The following TUBGCP6 variants were observed in gnomAD, a reference collection of about 807,000 sequenced individuals.
The protein encoded by TUBGCP6 is gamma-tubulin complex component 6.
Under a neutral mutation model 175.8 loss-of-function variants are expected in TUBGCP6, and 161 were observed. That is an observed-to-expected ratio of 0.92 (90% CI 0.81 to 1.04). The LOEUF (loss-of-function observed/expected upper bound fraction) is 1.04, where lower values mean the gene tolerates loss of function less well. Among genes scored for constraint, TUBGCP6 ranks in the 50% least tolerant of loss-of-function variants. The pLI, the probability that TUBGCP6 is intolerant of heterozygous loss-of-function variation, is 0.00. For synonymous variants in TUBGCP6, 1,173 were observed against 1,030.5 expected (o/e 1.14, Z -2.65); for missense variants, 2,572 against 2,433.0 (o/e 1.06, Z -1.20).
Position 50,217,721 on chromosome 22 carries a change from C to T in TUBGCP6, c.*15G>A, listed in dbSNP as rs747299890. On this transcript the variant is annotated 3_prime_UTR_variant, in exon 25 of 25. Transcript: ENST00000248846. ...CGAGAACACCTTTATTGTGCACGTC[C>T]CCCGCAGAGCAGCCTCAGGCGTCCT... 6.2e-7 allele frequency: 1 copy of T among 1,612,388 alleles called. No individual in the cohort carries two copies. Among genetic ancestry groups the T allele is most frequent in the South Asian group, 1.1e-5 (1 of 90,868 alleles).
In TUBGCP6 at chr22:50,243,971, CAG is replaced by C. The variant is rs1213489370; in HGVS notation, c.487_488del (p.Leu163AspfsTer37). 1 of 1,614,034 alleles carries C rather than the reference CAG, an allele frequency of 6.2e-7. No individual in the cohort carries two copies. Among genetic ancestry groups the C allele is most frequent in the Non-Finnish European group, 8.5e-7 (1 of 1,180,052 alleles). On this transcript the variant is annotated frameshift_variant, in exon 1 of 25. Coordinates refer to ENST00000248846, the MANE Select transcript of TUBGCP6 (RefSeq NM_020461.4). LOFTEE classifies it high-confidence loss of function. ...GACACAAACACTCTTCTCTGGAGAT[CAG>C]AGACTGAACGTCCATCTCAAACACA... ...LSVFEMDVQS[L>X]ISREECLCHS...
chr22:50,219,360 G>C lies in TUBGCP6; in HGVS notation c.4412C>G (p.Ala1471Gly), dbSNP rs1317969627. 6.3e-7 allele frequency: 1 copy of C among 1,589,810 alleles called. No individual in the cohort carries two copies. Among genetic ancestry groups the C allele is most frequent in the South Asian group, 1.1e-5 (1 of 87,968 alleles). ...PQVQSAADET[A>G]VQLSELLTLP... ...CGTCAGCAACTCGCTCAGCTGCACA[G>C]CAGTCTCATCAGCGGCAGACTGGAC... Residue 1471 changes from alanine (A) to glycine (G), a missense_variant, in exon 19 of 25, where the codon GCT (alanine) becomes GGT (glycine). Transcript: ENST00000248846.
intron 4 of TUBGCP6, among the ~76,000 whole-genome samples, chr22:50,228,370 C>T (rs1025525451): frequency 6.6e-6 from 1 of 151,204 alleles, no homozygotes; most frequent in African/African-American, 2.5e-5. Context: ...CCCAGCTGCC[C>T]CAGGGGCATG....
Position 50,226,711 on chromosome 22 carries a change from G to A in TUBGCP6, c.1601+22C>T, listed in dbSNP as rs375876814. ...CCTGGTGGGAGTGCGCGCCCGCCGC[G>A]CCTGCCCAGCCCACTGCCCACCGGG... is the stretch of plus-strand genomic sequence containing the variant. On this transcript the variant is annotated intron_variant, in intron 7 of 24. Transcript: ENST00000248846. The A allele has an allele frequency of 8.5e-5, 133 of 1,558,062 alleles. No individual in the cohort carries two copies. Among genetic ancestry groups the A allele is most frequent in the Non-Finnish European group, 1.0e-4 (120 of 1,148,938 alleles).
Position 50,218,494 on chromosome 22 carries a change from G to A in TUBGCP6, c.4948C>T (p.Arg1650Cys), listed in dbSNP as rs1485811676. The A allele has an allele frequency of 6.2e-6, 10 of 1,613,452 alleles. No homozygotes were observed. The highest frequency in any genetic ancestry group is 2.2e-5 in the South Asian group (2 of 91,088). ...ALKDVCFHLK[R>C]TALLSHMAGS... is the part of the protein sequence containing the mutation. ...GGCTCCAGCGGGGCCTCACCTGTGC[G>A]CTTGAGGTGGAAGCAGACGTCCTTG... The change falls in exon 22 of 25, where the codon CGC becomes TGC. Residue 1650 changes from arginine (R) to cysteine (C), a missense_variant. Transcript: ENST00000248846.
At position 50,243,807 on chromosome 22, in the gene TUBGCP6, AG is replaced by A; in HGVS notation, c.652del (p.Val219CysfsTer48). 3 of 1,613,564 alleles carry A rather than the reference AG, an allele frequency of 1.9e-6. No homozygotes were observed. The highest frequency in any genetic ancestry group is 2.5e-6 in the Non-Finnish European group (3 of 1,179,992). On this transcript the variant is annotated frameshift_variant, in exon 1 of 25. Transcript: ENST00000248846. LOFTEE classifies it high-confidence loss of function. Reference sequence around the variant, plus strand: ...CATGTCATAAGTGCGGCTGTGCACAAGGGCCCCGAAGAGCGAGACCCGGGTG... The same window carrying A: ...CATGTCATAAGTGCGGCTGTGCACAAGGCCCCGAAGAGCGAGACCCGGGTG... ...RDTRVSLFGA[L>X]VHSRTYDMDV...
intron 2 of TUBGCP6, among the ~76,000 whole-genome samples, chr22:50,238,586 G>A (rs2064805031): frequency 6.7e-6 from 1 of 148,324 alleles, no homozygotes; most frequent in Admixed American, 6.7e-5. Flanking sequence ...CACCCAGGCT[G>A]GAGTGCAGTG....
At chr22:50,241,873 T>TTTTC (rs2064843215) in intron 1 of TUBGCP6, among the ~76,000 whole-genome samples, 3 of 151,720 alleles carry the variant, frequency 2.0e-5, no homozygotes, top group Admixed American at 6.6e-5. Context: ...CCCAGCTGTT[T>TTTTC]TTTCTTCTAT....
intron 1 of TUBGCP6, among the ~76,000 whole-genome samples, chr22:50,241,291 T>C (rs2064835893): frequency 6.6e-6 from 1 of 152,156 alleles, no homozygotes; most frequent in Non-Finnish European, 1.5e-5. Flanking sequence ...AGAGGGCTCC[T>C]TAGTCTAGTG....
At chr22:50,228,099 AC>A in intron 4 of TUBGCP6, 71 bp from the exon 5 acceptor site, 1 of 1,453,314 alleles carries the variant, frequency 6.9e-7, no homozygotes, top group Non-Finnish European at 9.1e-7. Context: ...CCTGAGGGGC[AC>A]CAGTGCTGGG....
At chr22:50,218,438 C>T (rs774586839) in intron 22 of TUBGCP6, 36 bp from the exon 23 acceptor site, 15 of 1,612,724 alleles carry the variant, frequency 9.3e-6, no homozygotes, top group Middle Eastern at 1.6e-4. Context: ...CAGAGGTGAG[C>T]GCAGCCTCCA....
At position 50,227,574 on chromosome 22, in the gene TUBGCP6, A is replaced by C. The variant is rs530124537; in HGVS notation, c.1412+333T>G. 5.9e-5 allele frequency among the ~76,000 whole-genome samples: 9 copies of C among 152,166 alleles called. 1 individual carries two copies. The South Asian group carries it at 1.9e-3, about 32-fold the overall frequency. ...CCAGCTCCTCACTCTTCCTTCTCTG[A>C]TGGCACCTGCCAATAGCCCCCGAGC... On this transcript the variant is annotated intron_variant, in intron 5 of 24. Transcript: ENST00000248846.
rs140907054 is a variant in TUBGCP6 at position 50,235,551 on chromosome 22, C to T, written c.906-2025G>A. Reference sequence around the variant, plus strand: ...TCACAAAACACTGTCTCCACAGGGACGGCGCTCGAGGACGCCAAGTGGAGT... The same window carrying T: ...TCACAAAACACTGTCTCCACAGGGATGGCGCTCGAGGACGCCAAGTGGAGT... On this transcript the variant is annotated intron_variant, in intron 2 of 24. Coordinates refer to ENST00000248846, the MANE Select transcript of TUBGCP6 (RefSeq NM_020461.4). 4.4e-3 allele frequency among the ~76,000 whole-genome samples: 674 copies of T among 152,352 alleles called. 5 individuals are homozygous for T. Among genetic ancestry groups the T allele is most frequent in the Admixed American group, 7.6e-3 (117 of 15,302 alleles).
chr22:50,227,634 C>T (rs1034935456), intron 5 of TUBGCP6, among the ~76,000 whole-genome samples: 55 of 152,226 alleles, frequency 3.6e-4, no homozygotes, highest in Admixed American at 3.1e-3. Flanking sequence ...GTGTACCGGA[C>T]GCCACATCTC....
chr22:50,244,687 G>A lies in TUBGCP6; in HGVS notation c.-228C>T, dbSNP rs1250255711. 7 of 617,780 alleles carry A rather than the reference G, an allele frequency of 1.1e-5. No homozygotes were observed. Among genetic ancestry groups the A allele is most frequent in the Non-Finnish European group, 1.9e-5 (7 of 378,318 alleles). The allele number at this position is 617,780 out of a possible 1,614,324, so 38.3% of individuals were successfully genotyped here. ...AGTCCAAGCACGCTGCCCGGCGCCC[G>A]GCAGCCCACCAGAAGCCAGCTCGGC... On this transcript the variant is annotated 5_prime_UTR_variant, in exon 1 of 25. Coordinates refer to ENST00000248846, the MANE Select transcript of TUBGCP6 (RefSeq NM_020461.4).
rs2064498019 is a variant in TUBGCP6 at position 50,220,420 on chromosome 22, A to AGTGCTCT, written c.3932_3938dup (p.Val1314GlufsTer56). 1 of 1,607,626 alleles carries AGTGCTCT rather than the reference A, an allele frequency of 6.2e-7. No individual in the cohort carries two copies. The highest frequency in any genetic ancestry group is 2.2e-5 in the East Asian group (1 of 44,816). On this transcript the variant is annotated frameshift_variant, in exon 16 of 25. Transcript: ENST00000248846. LOFTEE classifies it high-confidence loss of function. ...GCAGCCGTGGCCCACAGTCCAGCAC[A>AGTGCTCT]GTGCTCTGTGCTCCCAGGCTGAGCG...
In TUBGCP6 at chr22:50,244,198, G is replaced by T; in HGVS notation, c.262C>A (p.Arg88Ser). ...AGCTCCTCCACAAGCTCCTCCAAAC[G>T]GTCGGCCTTGGGGCCCAGGCCACCC... The part of the protein sequence containing the change: ...RVGGLGPKAD[R>S]LEELVEELEA... The change falls in exon 1 of 25, where the codon CGT (arginine) becomes AGT (serine). Residue 88 changes from arginine (R) to serine (S), a missense_variant. By Grantham distance (110) the Arg-to-Ser change is moderately radical. Coordinates refer to ENST00000248846, the MANE Select transcript of TUBGCP6 (RefSeq NM_020461.4). 6.2e-7 allele frequency: 1 copy of T among 1,613,278 alleles called. No homozygotes were observed. The highest frequency in any genetic ancestry group is 8.5e-7 in the Non-Finnish European group (1 of 1,180,040).
chr22:50,240,055 CTCAG>C (rs1421128314), intron 2 of TUBGCP6, 145 bp downstream of exon 2: 2 of 1,090,846 alleles, frequency 1.8e-6, no homozygotes, highest in African/African-American at 1.6e-5. Flanking sequence ...ACTCCCAGGA[CTCAG>C]TCAATTTTGG....
chr22:50,234,066 GTCCATGGCAGCATCATCCATACCCCA>G (rs1327870707), intron 2 of TUBGCP6, among the ~76,000 whole-genome samples: 1 of 140,614 alleles, frequency 7.1e-6, no homozygotes, highest in Non-Finnish European at 1.5e-5. Flanking sequence ...CACACCCCCT[GTCCATGGCAGCATCATCCATACCCCA>G]TCCATGGCAG....
Sources: allele counts gnomAD v4.1 joint callset (sites outside exome capture counted in the v4.1 genomes callset), GRCh38; gene constraint gnomAD v4.1.1; transcripts MANE v1.5; gene names NCBI Gene and HGNC (gene_info 2026-07-23, HGNC 2026-07-21).